The following SMURF1 variants were observed in gnomAD, a reference collection of about 807,000 sequenced individuals.
SMURF1 encodes the protein E3 ubiquitin-protein ligase SMURF1.
Under a neutral mutation model 98.0 loss-of-function variants are expected in SMURF1, and 44 were observed. The ratio of observed to expected loss-of-function variants is 0.45; its 90% CI spans 0.35 to 0.58. The LOEUF is 0.58. Ranked by LOEUF, SMURF1 falls within the 20% of genes least tolerant of loss-of-function variation. The probability of loss-of-function intolerance (pLI) is 0.00; values close to 1 mark genes in which losing one functional copy is unlikely to be tolerated. For missense variants in SMURF1, 687 were observed against 938.4 expected, an observed-to-expected ratio of 0.73 and a Z score of 3.50; for synonymous variants, 396 against 374.9, an observed-to-expected ratio of 1.06 and a Z score of -0.65.
At chr7:99,060,779 G>T in intron 2 of SMURF1, 72 bp from the exon 3 acceptor site, 1 of 986,566 alleles carries the variant, frequency 1.0e-6, no homozygotes, top group East Asian at 2.6e-5. Flanking sequence ...CACACAATTC[G>T]TGTTCTCTAA....
At chr7:99,122,350 A>G (rs1460992983) in intron 1 of SMURF1, among the ~76,000 whole-genome samples, 2 of 138,880 alleles carry the variant, frequency 1.4e-5, no homozygotes, top group East Asian at 2.2e-4. Flanking sequence ...GAAGAAGAAG[A>G]AGAAAAAAAA....
chr7:99,030,430 ATCCCCC>A lies in SMURF1; in HGVS notation c.*148_*153del. The A allele has an allele frequency of 1.5e-6, 1 of 654,502 alleles. No homozygotes were observed. Among genetic ancestry groups the A allele is most frequent in the South Asian group, 1.8e-5 (1 of 54,080 alleles). 40.5% of individuals were successfully genotyped at this position (654,502 alleles called of 1,614,324 possible). On this transcript the variant is annotated 3_prime_UTR_variant, in exon 18 of 18. Transcript: ENST00000361368. ...TGGGAGCCACCAACAAAAGTCCCCCATCCCCCTCCCCCAACAGAAAGGAGAGAGACA... is the reference window on the plus strand; with the variant it reads ...TGGGAGCCACCAACAAAAGTCCCCCATCCCCCAACAGAAAGGAGAGAGACA...
intron 15 of SMURF1, 38 bp from the exon 16 acceptor site, chr7:99,035,754 C>T (rs553945686): frequency 1.3e-6 from 2 of 1,598,696 alleles, no homozygotes; most frequent in East Asian, 2.3e-5. Context: ...TTCCAAAATG[C>T]ATAAACCCAC....
Position 99,040,561 on chromosome 7 carries a change from A to AG in SMURF1, c.1372-6dup, listed in dbSNP as rs1353126993. On this transcript the variant is annotated splice_region_variant and splice_polypyrimidine_tract_variant and intron_variant, in intron 12 of 17. Transcript: ENST00000361368. ...GTGGAAATAAGACAAGTGGTCCTGT[A>AG]GGGGGCACCAGAGAACACGAATTTG... 4.9e-6 allele frequency: 7 copies of AG among 1,429,844 alleles called. No individual in the cohort carries two copies. The East Asian group carries it at 1.6e-4, about 33-fold the overall frequency. 88.6% of individuals were successfully genotyped at this position (1,429,844 alleles called of 1,614,324 possible). A position where few individuals can be genotyped will look rare whatever the true frequency, so the allele number is the denominator to read the frequency against.
chr7:99,134,710 GC>G (rs1175160520), intron 1 of SMURF1, among the ~76,000 whole-genome samples: 1 of 152,008 alleles, frequency 6.6e-6, no homozygotes, highest in African/African-American at 2.4e-5. Flanking sequence ...ATGCAAATGA[GC>G]ATTTTACTCC....
intron 11 of SMURF1, among the ~76,000 whole-genome samples, chr7:99,042,555 G>A (rs866663732): frequency 1.5e-4 from 23 of 152,212 alleles, no homozygotes; most frequent in African/African-American, 5.1e-4. Context: ...GATTACAGGC[G>A]TGAGCCACCA....
At chr7:99,112,162 G>A (rs897603590) in intron 1 of SMURF1, among the ~76,000 whole-genome samples, 15 of 152,156 alleles carry the variant, frequency 9.9e-5, no homozygotes, top group Admixed American at 5.2e-4. Flanking sequence ...ACAACTGGGT[G>A]CATGCTCAGA....
rs1795315132 is a variant in SMURF1 at position 99,040,130 on chromosome 7, T to C, written c.1550+248A>G. Among the ~76,000 whole-genome samples, 3 of 152,268 alleles carry C rather than the reference T, an allele frequency of 2.0e-5. No individual in the cohort carries two copies. The South Asian group carries it at 6.2e-4, about 32-fold the overall frequency. ...TACTTTTTGCTAGATCTGGTGGGTT[T>C]TTTTGTATTTTTTTGCAGTAACGGG... is the stretch of plus-strand genomic sequence containing the variant. On this transcript the variant is annotated intron_variant, in intron 13 of 17. Coordinates refer to ENST00000361368, the MANE Select transcript of SMURF1 (RefSeq NM_181349.3).
chr7:99,060,667 A>G lies in SMURF1; in HGVS notation c.135T>C (p.Ser45=). The G allele has an allele frequency of 1.2e-6, 2 of 1,614,088 alleles. No homozygotes were observed. Among genetic ancestry groups the G allele is most frequent in the Non-Finnish European group, 1.7e-6 (2 of 1,179,992 alleles). ...DPFAKIVVDG[S]GQCHSTDTVK... is the part of the protein sequence containing the mutation. The stretch of plus-strand genomic sequence containing the variant: ...CAGTGTCGGTTGAGTGGCACTGCCC[A>G]GACCCATCCACGACAATCTTTGCAA... The change falls in exon 3 of 18, where the codon TCT becomes TCC. Residue 45 remains serine, a synonymous_variant. Coordinates refer to ENST00000361368, the MANE Select transcript of SMURF1 (RefSeq NM_181349.3).
chr7:99,113,755 C>T (rs569904952), intron 1 of SMURF1, among the ~76,000 whole-genome samples: 116 of 137,478 alleles, frequency 8.4e-4, no homozygotes, highest in African/African-American at 2.6e-3. Flanking sequence ...AGGAGAATGG[C>T]GTGAACCCGG....
intron 1 of SMURF1, among the ~76,000 whole-genome samples, chr7:99,065,706 T>A (rs1441092111): frequency 6.6e-6 from 1 of 152,118 alleles, no homozygotes; most frequent in Non-Finnish European, 1.5e-5. Context: ...AGAAACCTAG[T>A]CCTCTCCCAG....
intron 1 of SMURF1, among the ~76,000 whole-genome samples, chr7:99,080,899 C>CTAGAGAGTGTGTCAAAAGTGCTAT (rs1415336339): frequency 6.6e-6 from 1 of 152,144 alleles, no homozygotes; most frequent in Non-Finnish European, 1.5e-5. Flanking sequence ...AGCAAAAGTG[C>CTAGAGAGTGTGTCAAAAGTGCTAT]TGTGTGTCAC....
intron 1 of SMURF1, among the ~76,000 whole-genome samples, chr7:99,086,928 A>G (rs1024261581): frequency 1.3e-5 from 2 of 152,240 alleles, no homozygotes; most frequent in Non-Finnish European, 2.9e-5. Flanking sequence ...ATAGGGAGTG[A>G]CTGCTGAAAT....
At chr7:99,059,909 C>CAAA (rs34628446) in intron 3 of SMURF1, among the ~76,000 whole-genome samples, 20 of 138,032 alleles carry the variant, frequency 1.4e-4, no homozygotes, top group East Asian at 1.0e-3. Context: ...GACTCCATCT[C>CAAA]AAAAAAAAAA....
At chr7:99,042,995 ACTCC>A (rs1795444404) in intron 11 of SMURF1, among the ~76,000 whole-genome samples, 1 of 152,150 alleles carries the variant, frequency 6.6e-6, no homozygotes, top group African/African-American at 2.4e-5. Context: ...AAGAGATGAG[ACTCC>A]GAATCCTATA....
At chr7:99,074,743 T>G (rs1286825441) in intron 1 of SMURF1, among the ~76,000 whole-genome samples, 1 of 152,004 alleles carries the variant, frequency 6.6e-6, no homozygotes, top group African/African-American at 2.4e-5. Context: ...AAAAAATTGA[T>G]ATTTGGCTGA....
At chr7:99,040,128 T>G (rs551353662) in intron 13 of SMURF1, among the ~76,000 whole-genome samples, 2 of 151,972 alleles carry the variant, frequency 1.3e-5, no homozygotes, top group African/African-American at 2.4e-5. Flanking sequence ...ATCTGGTGGG[T>G]TTTTTTGTAT....
chr7:99,061,666 T>C, intron 2 of SMURF1, 133 bp downstream of exon 2: 2 of 569,500 alleles, frequency 3.5e-6, no homozygotes, highest in Non-Finnish European at 6.0e-6. Flanking sequence ...AAATAAAGCT[T>C]GGAGAACCAT....
intron 1 of SMURF1, among the ~76,000 whole-genome samples, chr7:99,122,769 T>A (rs6968477): frequency 0.63 from 81,550 of 128,946 alleles, 28,281 homozygotes; most frequent in Non-Finnish European, 0.76. Flanking sequence ...TTTTTTTTTT[T>A]ACATAATTAA....
Sources: allele counts gnomAD v4.1 joint callset (sites outside exome capture counted in the v4.1 genomes callset), GRCh38; gene constraint gnomAD v4.1.1; transcripts MANE v1.5; gene names NCBI Gene and HGNC (gene_info 2026-07-23, HGNC 2026-07-21).